Variants in ITGA9 observed in about 807,000 individuals in gnomAD.
ITGA9 encodes the protein integrin subunit alpha 9.
Under a neutral mutation model 127.8 loss-of-function variants are expected in ITGA9, and 56 were observed. The ratio of observed to expected loss-of-function variants is 0.44; its 90% confidence interval spans 0.35 to 0.55. ITGA9 has a LOEUF of 0.55. ITGA9 is among the 20% of genes least tolerant of loss of function. The pLI is 0.00. For missense variants in ITGA9, 1,196 were observed against 1,347.1 expected (o/e 0.89, Z 1.76); for synonymous variants, 508 against 514.5 (o/e 0.99, Z 0.17).
chr3:37,675,195 T>C (rs1700669859), intron 17 of ITGA9, among the ~76,000 whole-genome samples: 1 of 152,184 alleles, frequency 6.6e-6, no homozygotes, highest in Non-Finnish European at 1.5e-5. Flanking sequence ...GCCCCCCGCC[T>C]TTGCAGTAGC....
intron 1 of ITGA9, among the ~76,000 whole-genome samples, chr3:37,460,924 C>T (rs1292745560): frequency 2.0e-5 from 3 of 152,094 alleles, no homozygotes; most frequent in African/African-American, 4.8e-5. Flanking sequence ...TAAAAAATCA[C>T]GGAACAAATT....
intron 17 of ITGA9, among the ~76,000 whole-genome samples, chr3:37,664,664 A>C (rs1056300535): frequency 5.3e-5 from 8 of 151,420 alleles, no homozygotes; most frequent in Non-Finnish European, 7.4e-5. Context: ...GGCCTCCCAA[A>C]ATGTTGGGAT....
intron 15 of ITGA9, among the ~76,000 whole-genome samples, chr3:37,603,591 A>G (rs566105722): frequency 6.6e-6 from 1 of 152,334 alleles, no homozygotes; most frequent in South Asian, 2.1e-4. Context: ...GAACTGAGGC[A>G]TGCTATTAAG....
At chr3:37,512,195 T>TTTTCC (rs1698937059) in intron 8 of ITGA9, among the ~76,000 whole-genome samples, 1 of 58,980 alleles carries the variant, frequency 1.7e-5, no homozygotes, top group Non-Finnish European at 3.1e-5. Flanking sequence ...TTTTCTTTTC[T>TTTTCC]TTTCTTTTCT....
At chr3:37,742,783 G>A (rs1696454414) in intron 21 of ITGA9, among the ~76,000 whole-genome samples, 1 of 152,210 alleles carries the variant, frequency 6.6e-6, no homozygotes, top group Non-Finnish European at 1.5e-5. Context: ...CCAGTGGAAT[G>A]AGTCTCCAAG....
At chr3:37,748,405 T>G (rs1473597717) in intron 22 of ITGA9, 1 of 596,822 alleles carries the variant, frequency 1.7e-6, no homozygotes, top group African/African-American at 1.8e-5. Flanking sequence ...CATTAAGCAC[T>G]CTAAGAGCCA....
intron 18 of ITGA9, among the ~76,000 whole-genome samples, chr3:37,706,334 T>G (rs545448162): frequency 6.6e-6 from 1 of 152,350 alleles, no homozygotes; most frequent in East Asian, 1.9e-4. Flanking sequence ...CCCAAAGTGC[T>G]CTTTTCAGTC....
chr3:37,635,185 A>G (rs777121898), intron 16 of ITGA9, among the ~76,000 whole-genome samples: 1 of 152,220 alleles, frequency 6.6e-6, no homozygotes, highest in Non-Finnish European at 1.5e-5. Context: ...TTAACTTTGC[A>G]ACTGTAGAGG....
chr3:37,748,590 T>TA, intron 22 of ITGA9: 2 of 469,602 alleles, frequency 4.3e-6, no homozygotes, highest in Non-Finnish European at 7.7e-6. Context: ...TCTACTAAAA[T>TA]ACAAAAATTA....
At chr3:37,689,075 T>G (rs868456176) in intron 18 of ITGA9, among the ~76,000 whole-genome samples, 48 of 148,578 alleles carry the variant, frequency 3.2e-4, no homozygotes, top group African/African-American at 1.0e-3. Context: ...GGTGGGCGGG[T>G]AGGTGGATGG....
intron 4 of ITGA9, among the ~76,000 whole-genome samples, chr3:37,483,053 G>T (rs940798067): frequency 6.6e-6 from 1 of 152,162 alleles, no homozygotes; most frequent in Non-Finnish European, 1.5e-5. Flanking sequence ...AAAGCCTCTG[G>T]AACAACCGGT....
At chr3:37,660,483 T>C (rs1700522849) in intron 17 of ITGA9, among the ~76,000 whole-genome samples, 1 of 152,166 alleles carries the variant, frequency 6.6e-6, no homozygotes, top group South Asian at 2.1e-4. Context: ...GTGCTTTTCT[T>C]ATATTAAGAT....
chr3:37,572,722 T>A (rs1699613663), intron 15 of ITGA9, among the ~76,000 whole-genome samples: 1 of 152,214 alleles, frequency 6.6e-6, no homozygotes, highest in Non-Finnish European at 1.5e-5. Flanking sequence ...GTTTCCTACC[T>A]ACTCAAGGTT....
intron 1 of ITGA9, among the ~76,000 whole-genome samples, chr3:37,466,312 A>C (rs753399039): frequency 2.6e-5 from 4 of 151,850 alleles, no homozygotes; most frequent in Non-Finnish European, 5.9e-5. Context: ...GTGAAACCCC[A>C]TCTCTACTAA....
At chr3:37,752,633 G>A (rs948870163) in intron 23 of ITGA9, among the ~76,000 whole-genome samples, 3 of 152,184 alleles carry the variant, frequency 2.0e-5, no homozygotes, top group South Asian at 4.1e-4. Flanking sequence ...GGGCTTACTC[G>A]CCCTATGGGC....
chr3:37,570,836 GA>G (rs1301059599), intron 15 of ITGA9, among the ~76,000 whole-genome samples: 1 of 152,208 alleles, frequency 6.6e-6, no homozygotes, highest in Non-Finnish European at 1.5e-5. Context: ...ACCTATTGAT[GA>G]GAGGCATGCA....
At chr3:37,671,437 C>T (rs1170939929) in intron 17 of ITGA9, among the ~76,000 whole-genome samples, 1 of 152,218 alleles carries the variant, frequency 6.6e-6, no homozygotes, top group Non-Finnish European at 1.5e-5. Flanking sequence ...CACTACATGG[C>T]TGGGGCCAAA....
rs1700210915 is a variant in ITGA9 at position 37,629,623 on chromosome 3, C to G, written c.1839+287C>G. The G allele has an allele frequency of 1.7e-6, 1 of 604,288 alleles. No individual in the cohort carries two copies. Among genetic ancestry groups the G allele is most frequent in the Non-Finnish European group, 2.9e-6 (1 of 340,792 alleles). The allele number at this position is 604,288 out of a possible 1,614,324, so 37.4% of individuals were successfully genotyped here. A position where few individuals can be genotyped will look rare whatever the true frequency, so the allele number is the denominator to read the frequency against. On this transcript the variant is annotated intron_variant, in intron 16 of 27. Coordinates refer to ENST00000264741, the MANE Select transcript of ITGA9 (RefSeq NM_002207.3). This position sits in a 1 kb window ranked among gnomAD's most constrained non-coding sequence, Gnocchi z 4.5. ...ACTGGCTGGCCACTTGGTCCCTGAA[C>G]TTGCCTCTGTTCCTAGACTGTTTTC...
intron 16 of ITGA9, among the ~76,000 whole-genome samples, chr3:37,651,513 C>T (rs1191484366): frequency 6.6e-6 from 1 of 152,142 alleles, no homozygotes; most frequent in Non-Finnish European, 1.5e-5. Context: ...CATGCCAGGC[C>T]CTAAGGGCAG....
Sources: allele counts gnomAD v4.1 joint callset (sites outside exome capture counted in the v4.1 genomes callset), GRCh38; gene constraint gnomAD v4.1.1; non-coding constraint Gnocchi (gnomAD v3.1); transcripts MANE v1.5; gene names NCBI Gene and HGNC (gene_info 2026-07-23, HGNC 2026-07-21).